PGM2L1: variants seen among roughly 807,000 people sequenced by gnomAD.
PGM2L1 encodes the protein phosphoglucomutase 2 like 1.
In PGM2L1, 35 loss-of-function variants were observed where a neutral mutation model predicts 73.4. The ratio of observed to expected loss-of-function variants is 0.48; its 90% CI spans 0.36 to 0.63. The LOEUF is 0.63. PGM2L1 is among the 30% of genes least tolerant of loss of function. The probability of loss-of-function intolerance (pLI) is 0.00; values close to 1 mark genes in which losing one functional copy is unlikely to be tolerated. For synonymous variants in PGM2L1, 225 were observed against 253.8 expected (o/e 0.89, Z 1.08); for missense variants, 570 against 742.0 (o/e 0.77, Z 2.69).
Position 74,342,502 on chromosome 11 carries a change from C to T in PGM2L1, c.1591G>A (p.Val531Ile), listed in dbSNP as rs592644. 0.7 allele frequency: 1,110,989 copies of T among 1,580,536 alleles called. 391,900 individuals carry two copies. Among genetic ancestry groups the T allele is most frequent in the East Asian group, 0.77 (33,912 of 43,856 alleles). Residue 531 changes from valine (V) to isoleucine (I), a missense_variant, in exon 12 of 14, where the codon GTT becomes ATT. Val to Ile is a conservative substitution (Grantham distance 29, BLOSUM62 3). Coordinates refer to ENST00000298198, the MANE Select transcript of PGM2L1 (RefSeq NM_173582.6). ...TGGCTACTGTCATATCCAGTGGTAACGTCCCGTACATGCAATATAGCAAAT... is the reference window on the plus strand; with the variant it reads ...TGGCTACTGTCATATCCAGTGGTAATGTCCCGTACATGCAATATAGCAAAT... ...GTFAILHVRD[V>I]TTGYDSSQPN...
chr11:74,369,645 G>A (rs1482775994), intron 4 of PGM2L1, among the ~76,000 whole-genome samples: 1 of 152,154 alleles, frequency 6.6e-6, no homozygotes. Flanking sequence ...ACTCAGAAAG[G>A]TATATTAACA....
rs879353577 is a variant in PGM2L1 at position 74,333,275 on chromosome 11, A to C, written c.*3377T>G. The C allele has an allele frequency of 2.0e-5, 3 of 152,206 alleles. No individual in the cohort carries two copies. Among genetic ancestry groups the C allele is most frequent in the Admixed American group, 2.0e-4 (3 of 15,278 alleles). 9.4% of individuals were successfully genotyped at this position (152,206 alleles called of 1,614,324 possible). A position where few individuals can be genotyped will look rare whatever the true frequency, so the allele number is the denominator to read the frequency against. ...TCTTAAACTTTCCATGCTGTCTTTAAAAAAAAGATCCTTATTCCCTCTGGT... is the reference window on the plus strand; with the variant it reads ...TCTTAAACTTTCCATGCTGTCTTTACAAAAAAGATCCTTATTCCCTCTGGT... On this transcript the variant is annotated 3_prime_UTR_variant, in exon 14 of 14. Coordinates refer to ENST00000298198, the MANE Select transcript of PGM2L1 (RefSeq NM_173582.6).
At position 74,383,824 on chromosome 11, in the gene PGM2L1, A is replaced by ATATATATATATATATATAT. The variant is rs1862982924; in HGVS notation, c.112-9243_112-9242insATATATATATATATATATA. 1.2e-4 allele frequency among the ~76,000 whole-genome samples: 15 copies of ATATATATATATATATATAT among 121,832 alleles called. 1 individual carries two copies. The highest frequency in any genetic ancestry group is 4.2e-4 in the African/African-American group (12 of 28,730). 79.9% of individuals were successfully genotyped at this position (121,832 alleles called of 152,430 possible). A position where few individuals can be genotyped will look rare whatever the true frequency, so the allele number is the denominator to read the frequency against. ...AGTATTCTATGGAGATATATAAATAAATATATATATATATATATAACATTT... is the reference window on the plus strand; with the variant it reads ...AGTATTCTATGGAGATATATAAATAATATATATATATATATATATATATATATATATATATATAACATTT... On this transcript the variant is annotated intron_variant, in intron 1 of 13. Transcript: ENST00000298198.
Position 74,342,618 on chromosome 11 carries a change from A to T in PGM2L1, c.1475T>A (p.Phe492Tyr). 6.3e-7 allele frequency: 1 copy of T among 1,589,304 alleles called. No individual in the cohort carries two copies. Reference sequence around the variant, plus strand: ...GATGGTAGGTGGTTCATAACACAAGAAATAGGAAGTTTTTGAAATATGATA... The same window carrying T: ...GATGGTAGGTGGTTCATAACACAAGTAATAGGAAGTTTTTGAAATATGATA... Reference protein sequence around the residue: ...YGYHISKTSYFLCYEPPTIKS... With the variant: ...YGYHISKTSYYLCYEPPTIKS... The change falls in exon 12 of 14, where the codon TTC becomes TAC. Residue 492 changes from phenylalanine (F) to tyrosine (Y), a missense_variant. Phe to Tyr is a conservative substitution (Grantham distance 22, BLOSUM62 3). Transcript: ENST00000298198.
intron 5 of PGM2L1, among the ~76,000 whole-genome samples, chr11:74,366,121 C>T (rs1009529529): frequency 6.7e-6 from 1 of 150,208 alleles, no homozygotes; most frequent in African/African-American, 2.4e-5. Flanking sequence ...GACAAGGAAC[C>T]AAACACCACA....
At chr11:74,378,383 A>G (rs917867001) in intron 1 of PGM2L1, among the ~76,000 whole-genome samples, 3 of 152,212 alleles carry the variant, frequency 2.0e-5, no homozygotes, top group African/African-American at 7.2e-5. Flanking sequence ...TAGAAAGTAA[A>G]TGCATTCAAT....
chr11:74,370,635 G>C (rs557928368), intron 4 of PGM2L1, among the ~76,000 whole-genome samples: 107 of 152,182 alleles, frequency 7.0e-4, no homozygotes, highest in African/African-American at 2.3e-3. Flanking sequence ...ATTTTTGTCT[G>C]CCCAATGAAT....
rs1339377709 is a variant in PGM2L1 at position 74,398,301 on chromosome 11, A to G, written c.-140T>C. 2 of 1,259,480 alleles carry G rather than the reference A, an allele frequency of 1.6e-6. No individual in the cohort carries two copies. The highest frequency in any genetic ancestry group is 2.1e-6 in the Non-Finnish European group (2 of 965,980). 78.0% of individuals were successfully genotyped at this position (1,259,480 alleles called of 1,614,324 possible). A position where few individuals can be genotyped will look rare whatever the true frequency, so the allele number is the denominator to read the frequency against. On this transcript the variant is annotated 5_prime_UTR_variant, in exon 1 of 14. Coordinates refer to ENST00000298198, the MANE Select transcript of PGM2L1 (RefSeq NM_173582.6). ...GGAGACCAACCGCAGGGTGTTCGTA[A>G]CAGCTCCTGCCGCGGCGTCAGGGAA... is the stretch of plus-strand genomic sequence containing the variant.
At chr11:74,352,611 C>T (rs1485780127) in intron 5 of PGM2L1, among the ~76,000 whole-genome samples, 1 of 152,170 alleles carries the variant, frequency 6.6e-6, no homozygotes, top group Non-Finnish European at 1.5e-5. Flanking sequence ...AAGAAGAATA[C>T]ATTTGAATCT....
chr11:74,397,111 G>A (rs931268414), intron 1 of PGM2L1, among the ~76,000 whole-genome samples: 1 of 152,196 alleles, frequency 6.6e-6, no homozygotes, highest in African/African-American at 2.4e-5. Context: ...ACAACATAAT[G>A]TCACATACTA....
chr11:74,352,309 A>G (rs1367716891), intron 5 of PGM2L1, among the ~76,000 whole-genome samples: 1 of 152,178 alleles, frequency 6.6e-6, no homozygotes, highest in African/African-American at 2.4e-5. Context: ...AACATTATAA[A>G]GTAGTTATGT....
intron 1 of PGM2L1, among the ~76,000 whole-genome samples, chr11:74,391,401 T>C (rs1177131120): frequency 6.6e-6 from 1 of 152,094 alleles, no homozygotes; most frequent in African/African-American, 2.4e-5. Flanking sequence ...ATCTAGGATT[T>C]CTTTACATTG....
At chr11:74,354,734 CAGGTG>C in intron 5 of PGM2L1, 1 of 1,048,914 alleles carries the variant, frequency 9.5e-7, no homozygotes, top group African/African-American at 1.5e-5. Flanking sequence ...TCTCAAACAC[CAGGTG>C]CCCACTTAAC....
At chr11:74,384,913 T>C (rs1398045973) in intron 1 of PGM2L1, among the ~76,000 whole-genome samples, 1 of 152,228 alleles carries the variant, frequency 6.6e-6, no homozygotes. Flanking sequence ...TGTCCCGCTA[T>C]ACTAGCAAGG....
intron 1 of PGM2L1, among the ~76,000 whole-genome samples, chr11:74,381,837 T>C (rs1862951579): frequency 6.6e-6 from 1 of 152,024 alleles, no homozygotes; most frequent in African/African-American, 2.4e-5. Flanking sequence ...AGAGAGATAA[T>C]GAGTTCAGTA....
At position 74,345,603 on chromosome 11, in the gene PGM2L1, C is replaced by T. The variant is rs1338460444; in HGVS notation, c.1084G>A (p.Gly362Arg). ...FTGNELAALF[G>R]WWMFDCWKKN... ...TTCCAGCAATCAAACATCCACCATCCAAACAAAGCTGCCAACTCATTCCCT... is the reference window on the plus strand; with the variant it reads ...TTCCAGCAATCAAACATCCACCATCTAAACAAAGCTGCCAACTCATTCCCT... The change falls in exon 9 of 14, where the codon GGA (glycine) becomes AGA (arginine). Residue 362 changes from glycine (G) to arginine (R), a missense_variant. Physicochemically the swap from Gly to Arg is moderately radical, Grantham distance 125. Coordinates refer to ENST00000298198, the MANE Select transcript of PGM2L1 (RefSeq NM_173582.6). The T allele has an allele frequency of 6.2e-7, 1 of 1,613,880 alleles. No individual in the cohort carries two copies. Among genetic ancestry groups the T allele is most frequent in the South Asian group, 1.1e-5 (1 of 91,074 alleles).
chr11:74,346,521 A>G (rs1378496034), intron 8 of PGM2L1, among the ~76,000 whole-genome samples: 1 of 152,182 alleles, frequency 6.6e-6, no homozygotes, highest in Non-Finnish European at 1.5e-5. Flanking sequence ...ATCATAATTT[A>G]ATAAAAACAA....
chr11:74,342,950 C>G lies in PGM2L1; in HGVS notation c.1377G>C (p.Glu459Asp). The change falls in exon 11 of 14, where the codon GAG becomes GAC. Residue 459 changes from glutamate to aspartate, a missense_variant. Transcript: ENST00000298198. ...TCATGGTTTCCAGGTAAGATGCCAT[C>G]TCAGCAACCACAACAGCTGCACTCA... ...DGVSAAVVVA[E>D]MASYLETMNI... 1 of 1,611,284 alleles carries G rather than the reference C, an allele frequency of 6.2e-7. No homozygotes were observed. The highest frequency in any genetic ancestry group is 1.7e-5 in the Admixed American group (1 of 59,540).
chr11:74,365,367 G>T (rs1327979040), intron 5 of PGM2L1, among the ~76,000 whole-genome samples: 1 of 150,992 alleles, frequency 6.6e-6, no homozygotes, highest in South Asian at 2.1e-4. Flanking sequence ...TGACAAATGG[G>T]ATCTAATTAA....
Sources: allele counts gnomAD v4.1 joint callset (sites outside exome capture counted in the v4.1 genomes callset), GRCh38; gene constraint gnomAD v4.1.1; transcripts MANE v1.5; gene names NCBI Gene and HGNC (gene_info 2026-07-23, HGNC 2026-07-21).